KHDRBS2: variants seen among roughly 807,000 people sequenced by gnomAD.
KHDRBS2 encodes the protein KH RNA binding domain containing, signal transduction associated 2.
In KHDRBS2, 26 loss-of-function variants were observed where a neutral mutation model predicts 44.3. The ratio of observed to expected loss-of-function variants is 0.59; its 90% CI spans 0.43 to 0.81. KHDRBS2 has a LOEUF of 0.81. Among genes scored for constraint, KHDRBS2 ranks in the 40% least tolerant of loss-of-function variants. KHDRBS2 has a pLI of 0.00. For missense variants in KHDRBS2, 476 were observed against 433.1 expected, an observed-to-expected ratio of 1.10 and a Z score of -0.88; for synonymous variants, 194 against 151.1, an observed-to-expected ratio of 1.28 and a Z score of -2.08.
At chr6:62,089,559 A>C (rs959729188) in intron 2 of KHDRBS2, among the ~76,000 whole-genome samples, 4 of 151,786 alleles carry the variant, frequency 2.6e-5, no homozygotes, top group African/African-American at 9.7e-5. Context: ...GGCTGCACCC[A>C]CTGCCTAACC....
chr6:62,155,685 T>A (rs1163283687), intron 2 of KHDRBS2, among the ~76,000 whole-genome samples: 1 of 152,250 alleles, frequency 6.6e-6, no homozygotes, highest in African/African-American at 2.4e-5. Flanking sequence ...CTGTAACTCA[T>A]GAATACTATT....
chr6:62,097,035 A>G (rs868797210), intron 2 of KHDRBS2, among the ~76,000 whole-genome samples: 2 of 151,384 alleles, frequency 1.3e-5, no homozygotes, highest in Non-Finnish European at 3.0e-5. Context: ...ATGTATTGGT[A>G]TAGTTTCCTA....
chr6:61,632,194 G>A, the KHDRBS2 span, among the ~76,000 whole-genome samples: 1 of 152,052 alleles, frequency 6.6e-6, no homozygotes, highest in East Asian at 1.9e-4. Flanking sequence ...GAAACTTGTA[G>A]TCAAAATAAA....
At chr6:61,593,866 A>G in the KHDRBS2 span, among the ~76,000 whole-genome samples, 2 of 152,126 alleles carry the variant, frequency 1.3e-5, no homozygotes, top group African/African-American at 4.8e-5. Context: ...AACTATATAG[A>G]CAAAGTATCA....
intron 3 of KHDRBS2, among the ~76,000 whole-genome samples, chr6:62,036,744 A>G (rs942677032): frequency 2.0e-4 from 30 of 152,154 alleles, no homozygotes; most frequent in African/African-American, 4.8e-4. Context: ...TTCACACCCA[A>G]TAGTTAAATA....
intron 6 of KHDRBS2, among the ~76,000 whole-genome samples, chr6:61,737,429 ATATG>A (rs1346359628): frequency 6.6e-6 from 1 of 152,154 alleles, no homozygotes; most frequent in South Asian, 2.1e-4. Context: ...TTGTAAATAT[ATATG>A]TATGTATGTA....
chr6:61,598,141 T>G, the KHDRBS2 span, among the ~76,000 whole-genome samples: 1 of 151,032 alleles, frequency 6.6e-6, no homozygotes, highest in Non-Finnish European at 1.5e-5. Context: ...CTGCCTTGCC[T>G]GCTCACTAGT....
chr6:61,570,159 C>A, the KHDRBS2 span, among the ~76,000 whole-genome samples: 1 of 152,096 alleles, frequency 6.6e-6, no homozygotes, highest in African/African-American at 2.4e-5. Flanking sequence ...TGAAATCCAA[C>A]TTAATGAAAT....
intron 6 of KHDRBS2, among the ~76,000 whole-genome samples, chr6:61,849,050 T>C (rs1469876376): frequency 6.6e-6 from 1 of 152,048 alleles, no homozygotes; most frequent in Non-Finnish European, 1.5e-5. Flanking sequence ...TGTGGTTCAT[T>C]TCACTGTTTT....
At chr6:61,692,368 AC>A (rs1767464390) in intron 8 of KHDRBS2, among the ~76,000 whole-genome samples, 1 of 151,958 alleles carries the variant, frequency 6.6e-6, no homozygotes, top group Admixed American at 6.6e-5. Flanking sequence ...TTTAATAAAT[AC>A]CAATGCATTA....
At chr6:61,804,340 C>T (rs1191567564) in intron 6 of KHDRBS2, among the ~76,000 whole-genome samples, 1 of 152,160 alleles carries the variant, frequency 6.6e-6, no homozygotes, top group Non-Finnish European at 1.5e-5. Flanking sequence ...ACAGCCCCAT[C>T]CCTGTGGCTT....
chr6:62,097,958 C>A (rs541746093), intron 2 of KHDRBS2, among the ~76,000 whole-genome samples: 6 of 151,962 alleles, frequency 3.9e-5, no homozygotes, highest in Non-Finnish European at 7.4e-5. Context: ...AGTTATTTTA[C>A]ACTGATAACA....
At chr6:61,944,073 T>C (rs1196571326) in intron 4 of KHDRBS2, among the ~76,000 whole-genome samples, 1 of 152,162 alleles carries the variant, frequency 6.6e-6, no homozygotes, top group African/African-American at 2.4e-5. Flanking sequence ...GGTAGGAATG[T>C]AAATTAGTAC....
intron 6 of KHDRBS2, among the ~76,000 whole-genome samples, chr6:61,864,291 T>C (rs1797466642): frequency 6.6e-6 from 1 of 151,576 alleles, no homozygotes; most frequent in South Asian, 2.1e-4. Flanking sequence ...GATAGTATTG[T>C]TATATGTGGA....
At chr6:62,130,983 A>G (rs1810162717) in intron 2 of KHDRBS2, among the ~76,000 whole-genome samples, 2 of 152,124 alleles carry the variant, frequency 1.3e-5, no homozygotes, top group African/African-American at 4.8e-5. Context: ...GACCTGTACT[A>G]GTATGATTAC....
At chr6:61,875,590 G>A (rs367634125) in intron 6 of KHDRBS2, among the ~76,000 whole-genome samples, 1 of 152,024 alleles carries the variant, frequency 6.6e-6, no homozygotes, top group Non-Finnish European at 1.5e-5. Flanking sequence ...CAGACCAAAG[G>A]AAACCTTGAA....
chr6:61,715,161 C>T (rs975668460), intron 7 of KHDRBS2, among the ~76,000 whole-genome samples: 72 of 151,720 alleles, frequency 4.7e-4, no homozygotes, highest in African/African-American at 1.7e-3. Flanking sequence ...TTTTAACATG[C>T]AAATTGACTA....
chr6:62,159,442 G>A (rs190837286), intron 2 of KHDRBS2, among the ~76,000 whole-genome samples: 148 of 152,212 alleles, frequency 9.7e-4, no homozygotes, highest in African/African-American at 3.5e-3. Context: ...ACTGTGACAG[G>A]TCCCTGGAAA....
At chr6:61,805,545 C>T (rs919596374) in intron 6 of KHDRBS2, among the ~76,000 whole-genome samples, 1 of 152,120 alleles carries the variant, frequency 6.6e-6, no homozygotes, top group Admixed American at 6.6e-5. Flanking sequence ...AGTCTGCCTT[C>T]ATGCTGACAT....
Sources: allele counts gnomAD v4.1 joint callset (sites outside exome capture counted in the v4.1 genomes callset), GRCh38; gene constraint gnomAD v4.1.1; transcripts MANE v1.5; gene names NCBI Gene and HGNC (gene_info 2026-07-23, HGNC 2026-07-21).